Variants in DTNA observed in about 807,000 individuals in gnomAD.
DTNA encodes the protein dystrobrevin alpha.
Under a neutral mutation model 100.7 loss-of-function variants are expected in DTNA, and 43 were observed. The ratio of observed to expected loss-of-function variants is 0.43; its 90% CI spans 0.33 to 0.55. The LOEUF is 0.55. DTNA is among the 20% of genes least tolerant of loss of function. The pLI, the probability that DTNA is intolerant of heterozygous loss-of-function variation, is 0.04. For synonymous variants in DTNA, 349 were observed against 347.9 expected, an observed-to-expected ratio of 1.00 and a Z score of -0.04; for missense variants, 798 against 953.9, an observed-to-expected ratio of 0.84 and a Z score of 2.15.
intron 1 of DTNA, among the ~76,000 whole-genome samples, chr18:34,738,084 A>G (rs988106137): frequency 2.0e-5 from 3 of 152,262 alleles, no homozygotes; most frequent in East Asian, 1.9e-4. Context: ...GAAGAGAAAA[A>G]GAGAATATTC....
chr18:34,591,937 A>G (rs1159359629), intron 1 of DTNA, among the ~76,000 whole-genome samples: 2 of 152,214 alleles, frequency 1.3e-5, no homozygotes, highest in Non-Finnish European at 2.9e-5. Context: ...TTAAGATGGT[A>G]TTGCCCTAGA....
At chr18:34,665,046 C>G (rs2075718328) in intron 1 of DTNA, among the ~76,000 whole-genome samples, 1 of 151,244 alleles carries the variant, frequency 6.6e-6, no homozygotes, top group Non-Finnish European at 1.5e-5. Context: ...AAGTCAAGCT[C>G]TCAGTAACCC....
intron 1 of DTNA, among the ~76,000 whole-genome samples, chr18:34,621,744 T>C (rs993673720): frequency 2.6e-5 from 4 of 152,200 alleles, no homozygotes; most frequent in African/African-American, 9.6e-5. Flanking sequence ...AAGAACTCTA[T>C]TGTACAACAT....
chr18:34,754,686 T>G (rs1022611039), intron 1 of DTNA, among the ~76,000 whole-genome samples: 4 of 152,238 alleles, frequency 2.6e-5, no homozygotes, highest in African/African-American at 9.6e-5. Flanking sequence ...ATGTAATGTG[T>G]TGATCCGTGT....
At chr18:34,618,477 C>T (rs1355986854) in intron 1 of DTNA, among the ~76,000 whole-genome samples, 1 of 152,094 alleles carries the variant, frequency 6.6e-6, no homozygotes, top group Non-Finnish European at 1.5e-5. Flanking sequence ...GAAGCATGTC[C>T]TTCACAGGCT....
chr18:34,624,990 T>A (rs927726725), intron 1 of DTNA, among the ~76,000 whole-genome samples: 2 of 151,932 alleles, frequency 1.3e-5, no homozygotes, highest in African/African-American at 4.8e-5. Context: ...TGCCTCAGCC[T>A]CCTGAGTAGC....
intron 1 of DTNA, among the ~76,000 whole-genome samples, chr18:34,518,681 G>T (rs967145775): frequency 3.0e-5 from 4 of 135,178 alleles, no homozygotes; most frequent in East Asian, 4.2e-4. Flanking sequence ...TTGACTTACC[G>T]TTTTTTTTTT....
chr18:34,678,490 T>C (rs898390810), intron 1 of DTNA, among the ~76,000 whole-genome samples: 1 of 152,146 alleles, frequency 6.6e-6, no homozygotes, highest in African/African-American at 2.4e-5. Flanking sequence ...AGATGCCTTG[T>C]CCCTTTTACT....
At chr18:34,518,661 G>T (rs2041881373) in intron 1 of DTNA, among the ~76,000 whole-genome samples, 1 of 136,464 alleles carries the variant, frequency 7.3e-6, no homozygotes, top group Admixed American at 7.9e-5. Flanking sequence ...CAACAAAAAT[G>T]TCTTCAATTT....
At chr18:34,731,187 T>A (rs2088059128) in intron 1 of DTNA, among the ~76,000 whole-genome samples, 1 of 152,222 alleles carries the variant, frequency 6.6e-6, no homozygotes, top group Non-Finnish European at 1.5e-5. Flanking sequence ...TTGCTATTTT[T>A]CAAGATTTGT....
At chr18:34,527,570 T>C (rs2042745504) in intron 1 of DTNA, among the ~76,000 whole-genome samples, 1 of 152,090 alleles carries the variant, frequency 6.6e-6, no homozygotes, top group South Asian at 2.1e-4. Context: ...AGTTCCAAAA[T>C]ATGTTGAGAT....
chr18:34,801,398 A>C (rs1447561219), intron 4 of DTNA, among the ~76,000 whole-genome samples: 3 of 152,206 alleles, frequency 2.0e-5, no homozygotes, highest in Admixed American at 6.5e-5. Flanking sequence ...CACTATGCCA[A>C]AAGACTATAA....
chr18:34,710,567 C>G (rs1376445885), intron 1 of DTNA, 122 bp downstream of exon 1: 1 of 150,710 alleles, frequency 6.6e-6, no homozygotes, highest in East Asian at 2.0e-4. Context: ...CGATAAATTT[C>G]TCCTGCCCAC....
At chr18:34,558,874 C>G (rs1568654854) in intron 1 of DTNA, among the ~76,000 whole-genome samples, 1 of 152,170 alleles carries the variant, frequency 6.6e-6, no homozygotes, top group Non-Finnish European at 1.5e-5. Context: ...GGAAGCAATG[C>G]TAAGAGATGA....
At chr18:34,510,510 A>C (rs1227978424) in intron 1 of DTNA, among the ~76,000 whole-genome samples, 2 of 151,350 alleles carry the variant, frequency 1.3e-5, no homozygotes, top group Non-Finnish European at 2.9e-5. Context: ...CATATTATTT[A>C]CTAGGAGTCA....
intron 1 of DTNA, among the ~76,000 whole-genome samples, chr18:34,713,891 T>C (rs978928860): frequency 6.6e-6 from 1 of 152,060 alleles, no homozygotes; most frequent in African/African-American, 2.4e-5. Context: ...CAATTGTGAA[T>C]GGGAGTTCAC....
chr18:34,798,611 C>A (rs66840772), intron 4 of DTNA, among the ~76,000 whole-genome samples: 2 of 152,064 alleles, frequency 1.3e-5, no homozygotes, highest in African/African-American at 4.8e-5. Context: ...TTATGTGACT[C>A]TAGCCTTGTT....
chr18:34,872,636 A>G (rs564708633), intron 17 of DTNA, among the ~76,000 whole-genome samples: 3 of 152,310 alleles, frequency 2.0e-5, no homozygotes, highest in African/African-American at 7.2e-5. Context: ...TTCTGTACCA[A>G]TTGATAAACA....
intron 1 of DTNA, among the ~76,000 whole-genome samples, chr18:34,552,165 T>C (rs943628156): frequency 6.6e-6 from 1 of 152,122 alleles, no homozygotes; most frequent in Non-Finnish European, 1.5e-5. Context: ...CTCATATTTT[T>C]CCATCGTTAC....
Sources: gnomAD v4.1 joint callset for allele counts (sites outside exome capture counted in the v4.1 genomes callset) on GRCh38, gnomAD v4.1.1 for gene constraint, MANE v1.5 for transcripts, NCBI Gene and HGNC (gene_info 2026-07-23, HGNC 2026-07-21) for gene names.